SNX29: variants seen among roughly 807,000 people sequenced by gnomAD.
SNX29 encodes the protein sorting nexin 29.
Under a neutral mutation model 102.1 loss-of-function variants are expected in SNX29, and 78 were observed. That is an observed-to-expected ratio of 0.76 (90% confidence interval 0.64 to 0.92). The LOEUF (loss-of-function observed/expected upper bound fraction) is 0.92, where lower values mean the gene tolerates loss of function less well. SNX29 is among the 40% of genes least tolerant of loss of function. The pLI, the probability that SNX29 is intolerant of heterozygous loss-of-function variation, is 0.00. For missense variants in SNX29, 1,280 were observed against 1,061.7 expected, an observed-to-expected ratio of 1.21 and a Z score of -2.86; for synonymous variants, 580 against 414.5, an observed-to-expected ratio of 1.40 and a Z score of -4.85.
At chr16:12,446,828 C>T (rs747440385) in intron 18 of SNX29, among the ~76,000 whole-genome samples, 2 of 152,050 alleles carry the variant, frequency 1.3e-5, no homozygotes, top group Admixed American at 6.6e-5. Flanking sequence ...TGGATCCCAA[C>T]GAGCTGCCTC....
At chr16:12,146,764 C>G (rs1382788037) in intron 13 of SNX29, among the ~76,000 whole-genome samples, 1 of 152,014 alleles carries the variant, frequency 6.6e-6, no homozygotes, top group Non-Finnish European at 1.5e-5. Flanking sequence ...ATGTGGGACT[C>G]CCAAAGGTGG....
intron 4 of SNX29, among the ~76,000 whole-genome samples, chr16:12,041,864 G>A (rs1422650993): frequency 1.3e-5 from 2 of 152,170 alleles, no homozygotes; most frequent in Non-Finnish European, 2.9e-5. Context: ...TATGTTTGAG[G>A]ATTATAATTC....
intron 11 of SNX29, among the ~76,000 whole-genome samples, chr16:12,106,457 G>GC (rs1325165175): frequency 1.3e-5 from 2 of 151,778 alleles, no homozygotes; most frequent in Non-Finnish European, 2.9e-5. Context: ...CCCCTCCTCG[G>GC]CCCCCTCCTT....
At chr16:12,552,214 G>A (rs982648381) in intron 20 of SNX29, among the ~76,000 whole-genome samples, 1 of 152,114 alleles carries the variant, frequency 6.6e-6, no homozygotes, top group Non-Finnish European at 1.5e-5. Flanking sequence ...GAGGGCCGTG[G>A]AGTCAGACAT....
At chr16:12,257,707 T>C (rs1190750213) in intron 14 of SNX29, among the ~76,000 whole-genome samples, 2 of 121,068 alleles carry the variant, frequency 1.7e-5, no homozygotes, top group Non-Finnish European at 3.6e-5. Context: ...TTTTTTTTTT[T>C]TGTAGCATCA....
intron 16 of SNX29, among the ~76,000 whole-genome samples, chr16:12,394,881 C>A (rs938008178): frequency 2.0e-5 from 3 of 152,140 alleles, no homozygotes; most frequent in Non-Finnish European, 4.4e-5. Context: ...TGTGGAAGAG[C>A]TTTGTGGAGT....
rs1016032378 is a variant in SNX29 at position 12,352,497 on chromosome 16, C to T, written c.1783-3666C>T. On this transcript the variant is annotated intron_variant, in intron 15 of 20. Transcript: ENST00000566228. ...AAACCTGCACGTTGTGCACACGTAC[C>T]CTAAAACTTAAAGTATAAAAAAAAA... Among the ~76,000 whole-genome samples the T allele has an allele frequency of 3.9e-5, 6 of 152,154 alleles. No homozygotes were observed. The South Asian group carries it at 1.2e-3, about 32-fold the overall frequency.
intron 16 of SNX29, chr16:12,374,430 A>G (rs1450179450): frequency 6.6e-6 from 1 of 152,054 alleles, no homozygotes; most frequent in African/African-American, 2.4e-5. Flanking sequence ...GCCCAAAGAG[A>G]CGCCTCTGTC....
Position 12,487,464 on chromosome 16 carries a change from G to A in SNX29, c.2178+9605G>A, listed in dbSNP as rs183853939. ...AAGTGTTTATAGATGAGGAAACTGG[G>A]GCTGAGGGGCAATAAGCATCTTGCC... On this transcript the variant is annotated intron_variant, in intron 19 of 20. Coordinates refer to ENST00000566228, the MANE Select transcript of SNX29 (RefSeq NM_032167.5). Among the ~76,000 whole-genome samples, 7 of 152,246 alleles carry A rather than the reference G, an allele frequency of 4.6e-5. No homozygotes were observed. In the East Asian group the frequency reaches 7.7e-4, roughly 17 times the overall value.
chr16:12,072,456 A>G (rs1210838558), intron 10 of SNX29, among the ~76,000 whole-genome samples: 2 of 152,170 alleles, frequency 1.3e-5, no homozygotes, highest in African/African-American at 2.4e-5. Context: ...TTCTGTTTAT[A>G]TGCTGGATTA....
chr16:12,186,570 T>A (rs993926725), intron 13 of SNX29, among the ~76,000 whole-genome samples: 1 of 152,222 alleles, frequency 6.6e-6, no homozygotes, highest in Non-Finnish European at 1.5e-5. Flanking sequence ...ATATTCATAT[T>A]TCACCAATGG....
Position 12,101,242 on chromosome 16 carries a change from C to T in SNX29, c.1402+22327C>T, listed in dbSNP as rs928317265. On this transcript the variant is annotated intron_variant, in intron 11 of 20. Coordinates refer to ENST00000566228, the MANE Select transcript of SNX29 (RefSeq NM_032167.5). ...TATTTTGTTCTCTCCTTTCTCAGGGCTCTGCATTATTTTCTTCTTCATCTG... is the reference window on the plus strand; with the variant it reads ...TATTTTGTTCTCTCCTTTCTCAGGGTTCTGCATTATTTTCTTCTTCATCTG... Among the ~76,000 whole-genome samples the T allele has an allele frequency of 2.7e-5, 4 of 149,108 alleles. No individual in the cohort carries two copies. In the East Asian group the frequency reaches 7.9e-4, roughly 30 times the overall value.
At position 12,491,601 on chromosome 16, in the gene SNX29, C is replaced by T. The variant is rs1311510397; in HGVS notation, c.2178+13742C>T. Among the ~76,000 whole-genome samples the T allele has an allele frequency of 3.3e-5, 5 of 151,552 alleles. No homozygotes were observed. The East Asian group carries it at 7.8e-4, about 24-fold the overall frequency. Reference sequence around the variant, plus strand: ...CGTGCAGGTTTGTTACATATGTATACATGTGCCATGTTGGTGTGCTGCACC... The same window carrying T: ...CGTGCAGGTTTGTTACATATGTATATATGTGCCATGTTGGTGTGCTGCACC... On this transcript the variant is annotated intron_variant, in intron 19 of 20. Transcript: ENST00000566228.
At chr16:12,537,417 C>T (rs975883350) in intron 20 of SNX29, among the ~76,000 whole-genome samples, 1 of 152,350 alleles carries the variant, frequency 6.6e-6, no homozygotes, top group Non-Finnish European at 1.5e-5. Context: ...GGCTCAAATT[C>T]CAGCTCAACT....
chr16:12,381,288 A>G (rs532759138), intron 16 of SNX29, among the ~76,000 whole-genome samples: 1 of 82,652 alleles, frequency 1.2e-5, no homozygotes, highest in East Asian at 3.5e-4. Flanking sequence ...CCCACCACCC[A>G]TCCACCCACC....
intron 14 of SNX29, among the ~76,000 whole-genome samples, chr16:12,244,576 C>T (rs146975113): frequency 3.3e-5 from 5 of 152,056 alleles, no homozygotes; most frequent in Non-Finnish European, 7.4e-5. Context: ...TGCCATTGCA[C>T]TCCAGCCTAG....
At chr16:12,205,015 G>A (rs2077009659) in intron 14 of SNX29, among the ~76,000 whole-genome samples, 1 of 152,150 alleles carries the variant, frequency 6.6e-6, no homozygotes, top group Admixed American at 6.5e-5. Context: ...CCACACCTGC[G>A]TGTGTTTTGT....
intron 18 of SNX29, among the ~76,000 whole-genome samples, chr16:12,433,090 C>T (rs1295808915): frequency 6.6e-6 from 1 of 152,194 alleles, no homozygotes; most frequent in Non-Finnish European, 1.5e-5. Flanking sequence ...AAACCAATCA[C>T]ATGCTTCTGA....
intron 16 of SNX29, among the ~76,000 whole-genome samples, chr16:12,385,328 G>A (rs1305106657): frequency 1.3e-5 from 2 of 152,224 alleles, no homozygotes; most frequent in African/African-American, 4.8e-5. Flanking sequence ...GAACCCGGAA[G>A]GGATGTTGCC....
Sources: gnomAD v4.1 joint callset for allele counts (sites outside exome capture counted in the v4.1 genomes callset) on GRCh38, gnomAD v4.1.1 for gene constraint, MANE v1.5 for transcripts, NCBI Gene and HGNC (gene_info 2026-07-23, HGNC 2026-07-21) for gene names.